RBMS1: variants seen among roughly 807,000 people sequenced by gnomAD.
The protein encoded by RBMS1 is RNA-binding motif, single-stranded-interacting protein 1.
Under a neutral mutation model 62.3 loss-of-function variants are expected in RBMS1, and 17 were observed. That is an observed-to-expected ratio of 0.27 (90% CI 0.19 to 0.41). The LOEUF (loss-of-function observed/expected upper bound fraction) is 0.41, where lower values mean the gene tolerates loss of function less well. RBMS1 is among the 10% of genes least tolerant of loss of function. RBMS1 has a pLI of 1.00. For synonymous variants in RBMS1, 172 were observed against 170.0 expected, an observed-to-expected ratio of 1.01 and a Z score of -0.09; for missense variants, 334 against 504.5, an observed-to-expected ratio of 0.66 and a Z score of 3.24.
chr2:160,319,616 C>T (rs926942483), intron 2 of RBMS1, among the ~76,000 whole-genome samples: 5 of 152,188 alleles, frequency 3.3e-5, no homozygotes, highest in African/African-American at 1.2e-4. Context: ...GTCTACTTTC[C>T]TAGACATTTA....
chr2:160,383,257 G>C (rs757189991), intron 1 of RBMS1, among the ~76,000 whole-genome samples: 34 of 152,090 alleles, frequency 2.2e-4, no homozygotes, highest in Non-Finnish European at 4.0e-4. Flanking sequence ...TCCTTGCCTT[G>C]TGACGGCAGA....
intron 2 of RBMS1, among the ~76,000 whole-genome samples, chr2:160,323,169 A>T (rs1204559760): frequency 6.1e-5 from 9 of 147,774 alleles, no homozygotes; most frequent in African/African-American, 2.2e-4. Context: ...CTGTAGCTTA[A>T]TTTTTTTTTT....
intron 1 of RBMS1, among the ~76,000 whole-genome samples, chr2:160,419,017 C>G (rs1395728883): frequency 1.8e-4 from 28 of 152,162 alleles, no homozygotes; most frequent in Non-Finnish European, 1.3e-4. Flanking sequence ...AAGCTTATGA[C>G]TTTCAAATAC....
At chr2:160,277,471 A>G in intron 11 of RBMS1, 88 bp from the exon 12 acceptor site, 1 of 971,798 alleles carries the variant, frequency 1.0e-6, no homozygotes, top group Non-Finnish European at 1.6e-6. Flanking sequence ...GATATAATGT[A>G]TTTGGAAATC....
At chr2:160,393,962 C>T (rs10754965) in intron 1 of RBMS1, among the ~76,000 whole-genome samples, 38,772 of 151,978 alleles carry the variant, frequency 0.26, 5,804 homozygotes, top group East Asian at 0.59. Context: ...GTATACTACA[C>T]TTCTTTTGTA....
rs972600528 is a variant in RBMS1 at position 160,367,372 on chromosome 2, T to C, written c.95A>G (p.His32Arg). The C allele has an allele frequency of 6.2e-7, 1 of 1,604,340 alleles. No individual in the cohort carries two copies. Among genetic ancestry groups the C allele is most frequent in the African/African-American group, 1.3e-5 (1 of 74,582 alleles). The change falls in exon 2 of 14, where the codon CAC becomes CGC. Residue 32 changes from histidine (H) to arginine (R), a missense_variant. By Grantham distance (29) the His-to-Arg change is conservative. Around this residue, in one of 3 missense-constraint regions of RBMS1, gnomAD observed 150 missense variants for 228.0 expected, o/e 0.66. Transcript: ENST00000348849. ...GCTGGGACTGGGAGGGGCCATGGGG[T>C]GGGCTGGGACCAGAGACTGCTGGAA... ...LQAKQSLVPA[H>R]PMAPPSPSTT...
intron 1 of RBMS1, among the ~76,000 whole-genome samples, chr2:160,445,104 T>A (rs1683589012): frequency 6.6e-6 from 1 of 152,204 alleles, no homozygotes; most frequent in East Asian, 1.9e-4. Flanking sequence ...ACTCCACCTA[T>A]AATTTCTTCT....
At chr2:160,410,836 C>A (rs543574365) in intron 1 of RBMS1, among the ~76,000 whole-genome samples, 2 of 152,192 alleles carry the variant, frequency 1.3e-5, no homozygotes, top group Non-Finnish European at 2.9e-5. Flanking sequence ...CTCTGCCTCT[C>A]GGGTTCCAGC....
At chr2:160,437,574 C>A (rs1683161477) in intron 1 of RBMS1, among the ~76,000 whole-genome samples, 1 of 152,194 alleles carries the variant, frequency 6.6e-6, no homozygotes, top group South Asian at 2.1e-4. Flanking sequence ...ACAAATGAAT[C>A]TTGAAATATC....
chr2:160,273,400 T>C lies in RBMS1; in HGVS notation c.*1372A>G, dbSNP rs1687669136. 1 of 152,170 alleles carries C rather than the reference T, an allele frequency of 6.6e-6. No individual in the cohort carries two copies. Among genetic ancestry groups the C allele is most frequent in the South Asian group, 2.1e-4 (1 of 4,830 alleles). The allele number at this position is 152,170 out of a possible 1,614,324, so 9.4% of individuals were successfully genotyped here. On this transcript the variant is annotated 3_prime_UTR_variant, in exon 14 of 14. Coordinates refer to ENST00000348849, the MANE Select transcript of RBMS1 (RefSeq NM_016836.4). The stretch of plus-strand genomic sequence containing the variant: ...CGGCAAAAATAAAGAGCACAGAAGA[T>C]GTGATGCTGAGACAAGTTGGAGCTA...
At chr2:160,483,930 T>C (rs2105360647) in intron 1 of RBMS1, among the ~76,000 whole-genome samples, 1 of 151,988 alleles carries the variant, frequency 6.6e-6, no homozygotes, top group African/African-American at 2.4e-5. Flanking sequence ...CATGAAGGGA[T>C]CTCTGGTCTG....
intron 1 of RBMS1, among the ~76,000 whole-genome samples, chr2:160,434,105 T>C (rs776220649): frequency 3.9e-5 from 6 of 152,338 alleles, no homozygotes; most frequent in Admixed American, 3.3e-4. Context: ...ACTAGTCAAA[T>C]GACTTCGATA....
intron 1 of RBMS1, among the ~76,000 whole-genome samples, chr2:160,382,087 A>C (rs1238266162): frequency 1.3e-5 from 2 of 152,194 alleles, no homozygotes; most frequent in Non-Finnish European, 2.9e-5. Context: ...GCCTGGACTA[A>C]GCTTTATGTG....
At position 160,284,851 on chromosome 2, in the gene RBMS1, T is replaced by C; in HGVS notation, c.824A>G (p.Tyr275Cys). ...GATCATTCGGTTTGTAGCAATACTGTATGGTGAAGGATAAAATCTAGAACA... is the reference window on the plus strand; with the variant it reads ...GATCATTCGGTTTGTAGCAATACTGCATGGTGAAGGATAAAATCTAGAACA... Reference protein sequence around the residue: ...AIQNGFYPSPYSIATNRMITQ... With the variant: ...AIQNGFYPSPCSIATNRMITQ... Residue 275 changes from tyrosine (Y) to cysteine (C), a missense_variant, in exon 9 of 14, where the codon TAC (tyrosine) becomes TGC (cysteine). Physicochemically the swap from Tyr to Cys is radical, Grantham distance 194. Around this residue, in one of 3 missense-constraint regions of RBMS1, gnomAD observed 182 missense variants for 257.7 expected, o/e 0.71. Coordinates refer to ENST00000348849, the MANE Select transcript of RBMS1 (RefSeq NM_016836.4). The C allele has an allele frequency of 6.2e-7, 1 of 1,606,022 alleles. No individual in the cohort carries two copies. Among genetic ancestry groups the C allele is most frequent in the Non-Finnish European group, 8.5e-7 (1 of 1,173,284 alleles).
At chr2:160,481,293 C>A (rs1292596179) in intron 1 of RBMS1, among the ~76,000 whole-genome samples, 2 of 142,668 alleles carry the variant, frequency 1.4e-5, no homozygotes, top group Non-Finnish European at 3.0e-5. Context: ...CAAACACAAA[C>A]ATTAATTGGA....
chr2:160,296,628 G>A (rs551523159), intron 6 of RBMS1, among the ~76,000 whole-genome samples: 14 of 152,260 alleles, frequency 9.2e-5, no homozygotes, highest in Admixed American at 7.2e-4. Context: ...ACACCTCAAT[G>A]TTTCTTGGCT....
chr2:160,415,509 A>G (rs988530026), intron 1 of RBMS1, among the ~76,000 whole-genome samples: 2 of 152,266 alleles, frequency 1.3e-5, no homozygotes, highest in East Asian at 3.9e-4. Flanking sequence ...ATTGTGGAAA[A>G]CTGGAGCCAA....
At chr2:160,376,280 TC>T (rs1693995375) in intron 1 of RBMS1, among the ~76,000 whole-genome samples, 1 of 152,218 alleles carries the variant, frequency 6.6e-6, no homozygotes, top group African/African-American at 2.4e-5. Context: ...TATTCTTAGA[TC>T]CAGCGGGACA....
intron 1 of RBMS1, among the ~76,000 whole-genome samples, chr2:160,490,134 A>G (rs1330651085): frequency 6.6e-6 from 1 of 152,104 alleles, no homozygotes; most frequent in East Asian, 1.9e-4. Context: ...CTGTGTAGCT[A>G]AAAGATGGAT....
Sources: allele counts gnomAD v4.1 joint callset (sites outside exome capture counted in the v4.1 genomes callset), GRCh38; gene constraint gnomAD v4.1.1; regional missense constraint gnomAD v4.1.1; transcripts MANE v1.5; gene names NCBI Gene and HGNC (gene_info 2026-07-23, HGNC 2026-07-21).